The following SAMSN1 variants were observed in gnomAD, a reference collection of about 807,000 sequenced individuals.
SAMSN1 encodes the protein SAM domain, SH3 domain and nuclear localization signals 1, also known as SAM domain-containing protein SAMSN-1.
Under a neutral mutation model 42.0 loss-of-function variants are expected in SAMSN1, and 31 were observed. The observed-to-expected ratio is 0.74, with a 90% CI of 0.55 to 1.00. SAMSN1 has a LOEUF of 1.00. Among genes scored for constraint, SAMSN1 ranks in the 50% least tolerant of loss-of-function variants. The probability of loss-of-function intolerance (pLI) is 0.00; values close to 1 mark genes in which losing one functional copy is unlikely to be tolerated. For missense variants in SAMSN1, 464 were observed against 439.4 expected, an observed-to-expected ratio of 1.06 and a Z score of -0.50; for synonymous variants, 178 against 151.9, an observed-to-expected ratio of 1.17 and a Z score of -1.26.
chr21:14,530,337 G>C (rs201679470), intron 1 of SAMSN1, among the ~76,000 whole-genome samples: 26 of 64,058 alleles, frequency 4.1e-4, no homozygotes, highest in Admixed American at 9.0e-4. Context: ...AAAAAAAAAA[G>C]AAAGAAATAA....
intron 3 of SAMSN1, among the ~76,000 whole-genome samples, chr21:14,513,716 T>C (rs1443939275): frequency 2.0e-5 from 3 of 152,186 alleles, no homozygotes; most frequent in African/African-American, 7.2e-5. Flanking sequence ...ATATATGCCC[T>C]GAATTATTGA....
At chr21:14,642,862 G>A in intron 2 of SAMSN1, 1 of 567,684 alleles carries the variant, frequency 1.8e-6, no homozygotes, top group Non-Finnish European at 3.2e-6. Context: ...CAACAAGAAA[G>A]AGAAAAGCAG....
At chr21:14,502,398 T>C (rs1481161524) in intron 5 of SAMSN1, among the ~76,000 whole-genome samples, 1 of 152,224 alleles carries the variant, frequency 6.6e-6, no homozygotes, top group African/African-American at 2.4e-5. Context: ...TTGAAACTTG[T>C]AAATTTGCAA....
At chr21:14,505,732 A>G (rs1490548150) in intron 5 of SAMSN1, among the ~76,000 whole-genome samples, 1 of 152,162 alleles carries the variant, frequency 6.6e-6, no homozygotes. Context: ...TTTAAATTAT[A>G]CCCTGGAACA....
intron 2 of SAMSN1, among the ~76,000 whole-genome samples, chr21:14,618,704 ACG>A (rs1568832896): frequency 2.3e-5 from 2 of 87,012 alleles, no homozygotes; most frequent in Non-Finnish European, 4.3e-5. Context: ...GCGCGCGCGC[ACG>A]CGCGTGTGTG....
intron 1 of SAMSN1, among the ~76,000 whole-genome samples, chr21:14,654,963 G>T (rs1983893990): frequency 6.6e-6 from 1 of 151,840 alleles, no homozygotes; most frequent in Admixed American, 6.6e-5. Context: ...CAACTGAATT[G>T]ACAATCAGAA....
At chr21:14,509,098 G>C (rs909211606) in intron 5 of SAMSN1, among the ~76,000 whole-genome samples, 2 of 150,256 alleles carry the variant, frequency 1.3e-5, no homozygotes, top group Admixed American at 1.3e-4. Context: ...CCTGGTGACA[G>C]AGCAAGACTC....
At chr21:14,526,808 T>C (rs987809413) in intron 1 of SAMSN1, among the ~76,000 whole-genome samples, 40 of 152,320 alleles carry the variant, frequency 2.6e-4, no homozygotes, top group African/African-American at 9.4e-4. Flanking sequence ...CTCGGTTTCC[T>C]AGAATACTGA....
intron 6 of SAMSN1, among the ~76,000 whole-genome samples, chr21:14,596,762 A>G (rs1285904077): frequency 1.3e-5 from 2 of 152,170 alleles, no homozygotes; most frequent in Non-Finnish European, 2.9e-5. Context: ...GGAGTTAGAA[A>G]CAAACCTTTC....
intron 6 of SAMSN1, among the ~76,000 whole-genome samples, chr21:14,595,392 C>G (rs1219956158): frequency 6.6e-6 from 1 of 152,074 alleles, no homozygotes; most frequent in African/African-American, 2.4e-5. Context: ...TCTTGGACTT[C>G]TCAGCCTCTA....
At chr21:14,619,666 C>A in intron 2 of SAMSN1, 1 of 326,758 alleles carries the variant, frequency 3.1e-6, no homozygotes, top group South Asian at 2.6e-5. Flanking sequence ...AAGTTCATGG[C>A]TGATATTCCT....
rs11911445 is a variant in SAMSN1, at chr21:14,649,352, A to G, written c.25-6219T>C. The stretch of plus-strand genomic sequence containing the variant: ...GACGAGTTAGTGGGTGCAGCGCACC[A>G]GCATGGCACATGTATACATATGTAA... On this transcript the variant is annotated intron_variant, in intron 1 of 15. Coordinates refer to the SAMSN1 transcript ENST00000647101. Among the ~76,000 whole-genome samples the G allele has an allele frequency of 9.6e-3, 1,460 of 152,106 alleles. 10 individuals are homozygous for G. The highest frequency in any genetic ancestry group is 0.034 in the Middle Eastern group (10 of 294).
rs777298893 is a variant in SAMSN1, at chr21:14,485,641, T to A, written c.*271A>T. On this transcript the variant is annotated 3_prime_UTR_variant, in exon 8 of 8. Coordinates refer to ENST00000400566, the MANE Select transcript of SAMSN1 (RefSeq NM_022136.5). Reference sequence around the variant, plus strand: ...AAAATAAAGCCAAATAAAGCATATGTCACACATACCAAAGTCTTACATTTT... The same window carrying A: ...AAAATAAAGCCAAATAAAGCATATGACACACATACCAAAGTCTTACATTTT... The A allele has an allele frequency of 1.1e-5, 3 of 276,250 alleles. No individual in the cohort carries two copies. Among genetic ancestry groups the A allele is most frequent in the Non-Finnish European group, 1.4e-5 (2 of 146,468 alleles). The allele number at this position is 276,250 out of a possible 1,614,324, so 17.1% of individuals were successfully genotyped here.
intron 2 of SAMSN1, among the ~76,000 whole-genome samples, chr21:14,572,131 A>G (rs964829632): frequency 3.9e-5 from 6 of 152,314 alleles, no homozygotes; most frequent in Admixed American, 3.9e-4. Flanking sequence ...CTGAATGACA[A>G]ATAATTAGAA....
chr21:14,617,381 G>A (rs930712645), intron 2 of SAMSN1, among the ~76,000 whole-genome samples: 2 of 152,186 alleles, frequency 1.3e-5, no homozygotes, highest in Admixed American at 6.5e-5. Context: ...CAGATTAGAA[G>A]CTAATTGTGT....
chr21:14,583,421 T>C, upstream of SAMSN1: 1 of 469,426 alleles, frequency 2.1e-6, no homozygotes, highest in East Asian at 4.0e-5. Flanking sequence ...TCTCTCTCAC[T>C]GTGTCTCGGA....
At chr21:14,570,567 T>C (rs1981267761) in intron 2 of SAMSN1, among the ~76,000 whole-genome samples, 1 of 152,188 alleles carries the variant, frequency 6.6e-6, no homozygotes. Context: ...ATGTCCTAAA[T>C]TGAATAGAGC....
At chr21:14,629,743 G>T (rs1983278825) in intron 2 of SAMSN1, among the ~76,000 whole-genome samples, 1 of 152,128 alleles carries the variant, frequency 6.6e-6, no homozygotes, top group African/African-American at 2.4e-5. Context: ...GTCTACTAGT[G>T]TGCGAAGAGA....
chr21:14,649,561 C>A (rs1312130738), intron 1 of SAMSN1, among the ~76,000 whole-genome samples: 1 of 152,014 alleles, frequency 6.6e-6, no homozygotes, highest in Non-Finnish European at 1.5e-5. Flanking sequence ...CCTGAGGTCA[C>A]GAGTTTCAGA....
Sources: gnomAD v4.1 joint callset for allele counts (sites outside exome capture counted in the v4.1 genomes callset) on GRCh38, gnomAD v4.1.1 for gene constraint, MANE v1.5 for transcripts, NCBI Gene and HGNC (gene_info 2026-07-23, HGNC 2026-07-21) for gene names.